Variants in RAB11FIP2 observed in about 807,000 individuals in gnomAD.
RAB11FIP2 encodes rab11 family-interacting protein 2.
RAB11FIP2 carries 16 observed loss-of-function variants against 40.9 expected under a neutral mutation model. That is an observed-to-expected ratio of 0.39 (90% confidence interval 0.26 to 0.59). The LOEUF is 0.59. Ranked by LOEUF, RAB11FIP2 falls within the 20% of genes least tolerant of loss-of-function variation. The probability of loss-of-function intolerance (pLI) is 0.53; values close to 1 mark genes in which losing one functional copy is unlikely to be tolerated. For synonymous variants in RAB11FIP2, 228 were observed against 213.7 expected, an observed-to-expected ratio of 1.07 and a Z score of -0.58; for missense variants, 532 against 606.2, an observed-to-expected ratio of 0.88 and a Z score of 1.28.
intron 3 of RAB11FIP2, among the ~76,000 whole-genome samples, 199 bp from the exon 4 acceptor site, chr10:118,015,309 T>G (rs1330316027): frequency 2.0e-5 from 3 of 152,190 alleles, no homozygotes; most frequent in South Asian, 2.1e-4. Context: ...TTTCAAACTT[T>G]GAAGGAAAAC....
chr10:118,020,692 G>C (rs1249680352), intron 3 of RAB11FIP2, among the ~76,000 whole-genome samples: 1 of 152,180 alleles, frequency 6.6e-6, no homozygotes, highest in Non-Finnish European at 1.5e-5. Context: ...GCTGGTCCCT[G>C]GTGCTGTACT....
chr10:118,038,957 C>A lies in RAB11FIP2; in HGVS notation c.1265+15G>T. Reference sequence around the variant, plus strand: ...ATTTTCCCAAATAGTAGAACTTCCCCCATATTAAGCTTACCTTGAAGATGG... The same window carrying A: ...ATTTTCCCAAATAGTAGAACTTCCCACATATTAAGCTTACCTTGAAGATGG... On this transcript the variant is annotated intron_variant, in intron 3 of 4. Coordinates refer to ENST00000355624, the MANE Select transcript of RAB11FIP2 (RefSeq NM_014904.3). The A allele has an allele frequency of 6.6e-7, 1 of 1,512,684 alleles. No individual in the cohort carries two copies. The allele number at this position is 1,512,684 out of a possible 1,614,324, so 93.7% of individuals were successfully genotyped here. A position where few individuals can be genotyped will look rare whatever the true frequency, so the allele number is the denominator to read the frequency against.
chr10:118,025,604 T>C (rs914115443), intron 3 of RAB11FIP2, among the ~76,000 whole-genome samples: 1 of 152,230 alleles, frequency 6.6e-6, no homozygotes, highest in African/African-American at 2.4e-5. Context: ...ACATCAGTCA[T>C]ATATGGAAAA....
At chr10:118,031,805 T>C (rs1442976190) in intron 3 of RAB11FIP2, among the ~76,000 whole-genome samples, 1 of 152,072 alleles carries the variant, frequency 6.6e-6, no homozygotes, top group Non-Finnish European at 1.5e-5. Context: ...TACCATTTAG[T>C]TATTCAGGAG....
At chr10:118,010,379 T>G (rs1305624676) in intron 4 of RAB11FIP2, among the ~76,000 whole-genome samples, 1 of 152,144 alleles carries the variant, frequency 6.6e-6, no homozygotes, top group East Asian at 1.9e-4. Context: ...TACTATCTAA[T>G]CTATTCAGTG....
intron 3 of RAB11FIP2, among the ~76,000 whole-genome samples, chr10:118,035,597 T>C (rs188092900): frequency 6.6e-6 from 1 of 152,236 alleles, no homozygotes; most frequent in East Asian, 1.9e-4. Context: ...TGGTCTGCTA[T>C]ACTGTGTGCG....
intron 3 of RAB11FIP2, among the ~76,000 whole-genome samples, chr10:118,032,211 T>C (rs1266509080): frequency 6.6e-6 from 1 of 152,062 alleles, no homozygotes; most frequent in Non-Finnish European, 1.5e-5. Flanking sequence ...ATCATGGAAT[T>C]TCTCCTCAAT....
At chr10:118,025,813 C>G (rs1846335971) in intron 3 of RAB11FIP2, among the ~76,000 whole-genome samples, 2 of 152,296 alleles carry the variant, frequency 1.3e-5, no homozygotes, top group East Asian at 3.9e-4. Context: ...CTTCACAGAT[C>G]CATCCTTCGA....
chr10:118,039,582 A>T (rs998967510), intron 2 of RAB11FIP2, 142 bp from the exon 3 acceptor site: 42 of 717,138 alleles, frequency 5.9e-5, no homozygotes, highest in Non-Finnish European at 8.8e-5. Context: ...TCAAGGAAAC[A>T]ATCTTAAAAT....
At chr10:118,041,311 T>C (rs1437899658) in intron 1 of RAB11FIP2, among the ~76,000 whole-genome samples, 2 of 152,120 alleles carry the variant, frequency 1.3e-5, no homozygotes, top group African/African-American at 4.8e-5. Flanking sequence ...TTACTATTGC[T>C]ACTGTGACAA....
In RAB11FIP2 at chr10:118,009,202, A is replaced by C; in HGVS notation, c.1335T>G (p.Thr445=). The C allele has an allele frequency of 8.1e-6, 13 of 1,613,248 alleles. No individual in the cohort carries two copies. Among genetic ancestry groups the C allele is most frequent in the Non-Finnish European group, 1.1e-5 (13 of 1,179,338 alleles). Residue 445 remains threonine (T), a synonymous_variant, in exon 5 of 5, where the codon ACT becomes ACG. Transcript: ENST00000355624. The stretch of plus-strand genomic sequence containing the variant: ...CATAGGTCAGACTACGATACCCTGC[A>C]GTGGCATCAAAGGGGTTGCTGTCCT... ...KIPDSNPFDA[T]AGYRSLTYEE...
intron 3 of RAB11FIP2, among the ~76,000 whole-genome samples, chr10:118,022,144 CCA>C (rs1846289815): frequency 6.6e-6 from 1 of 152,226 alleles, no homozygotes; most frequent in African/African-American, 2.4e-5. Flanking sequence ...ACCCTTCACT[CCA>C]GTCTTCAGCT....
At chr10:118,017,718 A>G (rs938412169) in intron 3 of RAB11FIP2, 2 of 152,216 alleles carry the variant, frequency 1.3e-5, no homozygotes, top group African/African-American at 4.8e-5. Flanking sequence ...GGCATAATCC[A>G]TCTCATTGTA....
chr10:118,014,052 G>A (rs145666170), intron 4 of RAB11FIP2, among the ~76,000 whole-genome samples: 30 of 152,064 alleles, frequency 2.0e-4, no homozygotes, highest in Middle Eastern at 3.4e-3. Flanking sequence ...CAAAACTTAC[G>A]AATCGTTTAA....
At chr10:118,023,507 A>G (rs545407099) in intron 3 of RAB11FIP2, among the ~76,000 whole-genome samples, 2 of 152,322 alleles carry the variant, frequency 1.3e-5, no homozygotes, top group East Asian at 1.9e-4. Flanking sequence ...CAAAACCTCG[A>G]TGACAAAACA....
chr10:118,029,937 G>A (rs1183474822), intron 3 of RAB11FIP2, among the ~76,000 whole-genome samples: 1 of 152,110 alleles, frequency 6.6e-6, no homozygotes, highest in African/African-American at 2.4e-5. Flanking sequence ...GGAGGAACCT[G>A]GGCATAACAT....
Position 118,046,923 on chromosome 10 carries a change from A to G in RAB11FIP2, c.-760T>C, listed in dbSNP as rs1186312459. The G allele has an allele frequency of 2.0e-5, 3 of 152,832 alleles. No homozygotes were observed. Among genetic ancestry groups the G allele is most frequent in the Non-Finnish European group, 4.4e-5 (3 of 68,588 alleles). 9.5% of individuals were successfully genotyped at this position (152,832 alleles called of 1,614,324 possible). A position where few individuals can be genotyped will look rare whatever the true frequency, so the allele number is the denominator to read the frequency against. The stretch of plus-strand genomic sequence containing the variant: ...CGGCACTTCCGGGTTGGCCTTCTCC[A>G]TGTTGGTCTCGGGAACGTGAAGGGG... On this transcript the variant is annotated 5_prime_UTR_variant, in exon 1 of 5. An upstream start codon of the reference 5' UTR is lost. Transcript: ENST00000355624.
chr10:118,035,052 A>G (rs572129244), intron 3 of RAB11FIP2, among the ~76,000 whole-genome samples: 1 of 152,174 alleles, frequency 6.6e-6, no homozygotes, highest in South Asian at 2.1e-4. Context: ...CCTGGCACAC[A>G]GAAATGACCC....
intron 1 of RAB11FIP2, among the ~76,000 whole-genome samples, chr10:118,044,737 C>T (rs1564696341): frequency 6.6e-6 from 1 of 151,846 alleles, no homozygotes; most frequent in Non-Finnish European, 1.5e-5. Context: ...AAGAGAGAGT[C>T]GTTTTAAAAT....
Sources: allele counts gnomAD v4.1 joint callset (sites outside exome capture counted in the v4.1 genomes callset), GRCh38; gene constraint gnomAD v4.1.1; transcripts MANE v1.5; gene names NCBI Gene and HGNC (gene_info 2026-07-23, HGNC 2026-07-21).